Variants in CEMIP2 observed in about 807,000 individuals in gnomAD.
CEMIP2 encodes cell migration inducing hyaluronidase 2.
In CEMIP2, 79 loss-of-function variants were observed where a neutral mutation model predicts 146.9. The observed-to-expected ratio is 0.54, with a 90% CI of 0.45 to 0.65. CEMIP2 has a LOEUF of 0.65. Among genes scored for constraint, CEMIP2 ranks in the 30% least tolerant of loss-of-function variants. The pLI, the probability that CEMIP2 is intolerant of heterozygous loss-of-function variation, is 0.00. For missense variants in CEMIP2, 1,596 were observed against 1,696.2 expected (o/e 0.94, Z 1.04); for synonymous variants, 601 against 606.3 (o/e 0.99, Z 0.13).
intron 4 of CEMIP2, among the ~76,000 whole-genome samples, chr9:71,742,540 AG>A (rs1172449775): frequency 6.6e-6 from 1 of 152,226 alleles, no homozygotes; most frequent in African/African-American, 2.4e-5. Flanking sequence ...CGCTGGCAAA[AG>A]ATCACAACTC....
rs1309551546 is a variant in CEMIP2 at position 71,740,140 on chromosome 9, T to C, written c.1127A>G (p.Lys376Arg). 2 of 1,614,108 alleles carry C rather than the reference T, an allele frequency of 1.2e-6. No homozygotes were observed. Among genetic ancestry groups the C allele is most frequent in the Admixed American group, 3.3e-5 (2 of 60,018 alleles). Reference protein sequence around the residue: ...RNYENHSSGGKALAQREFYTV... With the variant: ...RNYENHSSGGRALAQREFYTV... ...ATAAAATTCTCTTTGGGCAAGAGCC[T>C]TCCCGCCACTGCTATGATTTTCATA... The change falls in exon 5 of 24, where the codon AAG becomes AGG. Residue 376 changes from lysine (K) to arginine (R), a missense_variant. By Grantham distance (26) the Lys-to-Arg change is conservative. Transcript: ENST00000377044.
intron 10 of CEMIP2, among the ~76,000 whole-genome samples, chr9:71,726,115 T>G (rs1164958711): frequency 6.6e-6 from 1 of 152,180 alleles, no homozygotes; most frequent in African/African-American, 2.4e-5. Context: ...GAGTCATGCC[T>G]ATTAAACAAC....
chr9:71,756,517 CACA>C (rs1260483300), intron 1 of CEMIP2, among the ~76,000 whole-genome samples: 1 of 151,074 alleles, frequency 6.6e-6, no homozygotes, highest in Admixed American at 6.6e-5. Flanking sequence ...CACACACACA[CACA>C]CACACACACA....
chr9:71,697,616 G>A (rs1589129314), intron 20 of CEMIP2, among the ~76,000 whole-genome samples: 1 of 152,220 alleles, frequency 6.6e-6, no homozygotes, highest in East Asian at 1.9e-4. Context: ...ATTTCACACT[G>A]TGCCAACAAA....
At chr9:71,708,668 G>A (rs1822822589) in intron 17 of CEMIP2, among the ~76,000 whole-genome samples, 2 of 152,130 alleles carry the variant, frequency 1.3e-5, no homozygotes, top group African/African-American at 4.8e-5. Context: ...AATGCTTAAT[G>A]TCTTCAAAGA....
At chr9:71,709,122 A>C in intron 17 of CEMIP2, 137 bp downstream of exon 17, 2 of 768,568 alleles carry the variant, frequency 2.6e-6, no homozygotes, top group Non-Finnish European at 4.2e-6. Flanking sequence ...AAGAAAAGAA[A>C]GGACAGGACA....
rs1189491728 is a variant in CEMIP2, at chr9:71,691,429, AATAAATAAAT to A, written c.3697-1193_3697-1184del. ...TGAGACTCTGTCTCAGGAAAAAAAA[AATAAATAAAT>A]AAAAAAGCCCTTTAGCTAATTGCAC... On this transcript the variant is annotated intron_variant, in intron 21 of 23. Transcript: ENST00000377044. Among the ~76,000 whole-genome samples, 188 of 151,402 alleles carry A rather than the reference AATAAATAAAT, an allele frequency of 1.2e-3. 12 individuals carry two copies. The highest frequency in any genetic ancestry group is 4.1e-3 in the African/African-American group (169 of 41,046).
chr9:71,710,758 T>C (rs1178256461), intron 16 of CEMIP2, among the ~76,000 whole-genome samples: 2 of 152,122 alleles, frequency 1.3e-5, no homozygotes, highest in Non-Finnish European at 2.9e-5. Flanking sequence ...GGACAGGGGA[T>C]CCAAGACTCA....
intron 6 of CEMIP2, among the ~76,000 whole-genome samples, chr9:71,733,757 C>T (rs1414193341): frequency 6.6e-6 from 1 of 152,128 alleles, no homozygotes; most frequent in East Asian, 1.9e-4. Context: ...TACAAAGGGG[C>T]TGTGCCTAGT....
intron 20 of CEMIP2, among the ~76,000 whole-genome samples, chr9:71,695,408 T>C (rs1306660427): frequency 1.3e-5 from 2 of 152,134 alleles, no homozygotes; most frequent in East Asian, 3.9e-4. Flanking sequence ...GGCATGGTAG[T>C]TCATGCCTGT....
intron 10 of CEMIP2, 83 bp downstream of exon 10, chr9:71,729,762 C>T (rs1823560094): frequency 2.9e-6 from 4 of 1,371,846 alleles, no homozygotes; most frequent in Non-Finnish European, 4.1e-6. Flanking sequence ...CACTGGCACA[C>T]ATGACATTAA....
intron 11 of CEMIP2, 76 bp downstream of exon 11, chr9:71,725,504 GA>G: frequency 6.9e-7 from 1 of 1,455,346 alleles, no homozygotes; most frequent in Non-Finnish European, 9.3e-7. Context: ...GCACAAAGTG[GA>G]CTAAAATATA....
chr9:71,701,705 G>A (rs1264516037), intron 18 of CEMIP2, among the ~76,000 whole-genome samples: 2 of 151,974 alleles, frequency 1.3e-5, no homozygotes, highest in Admixed American at 1.3e-4. Flanking sequence ...ATGGCCCTAG[G>A]ATTTTCTTAG....
At chr9:71,729,486 G>A (rs1383172017) in intron 10 of CEMIP2, among the ~76,000 whole-genome samples, 1 of 152,022 alleles carries the variant, frequency 6.6e-6, no homozygotes, top group Non-Finnish European at 1.5e-5. Flanking sequence ...GGGCGTGGTA[G>A]CAGGCGCCTG....
Position 71,745,426 on chromosome 9 carries a change from T to C in CEMIP2, c.626A>G (p.Asp209Gly). The C allele has an allele frequency of 1.2e-6, 2 of 1,614,136 alleles. No homozygotes were observed. The highest frequency in any genetic ancestry group is 1.7e-6 in the Non-Finnish European group (2 of 1,180,016). ...KATITLYGKS[D>G]EGESMPTFGK... ...AAATGTTGGCATACTTTCACCTTCA[T>C]CTGACTTGCCATACAAGGTAATTGT... The change falls in exon 4 of 24, where the codon GAT becomes GGT. Residue 209 changes from aspartate (D) to glycine (G), a missense_variant. By Grantham distance (94) the Asp-to-Gly change is moderately conservative. Coordinates refer to ENST00000377044, the MANE Select transcript of CEMIP2 (RefSeq NM_013390.3).
In CEMIP2 at chr9:71,714,997, C is replaced by T; in HGVS notation, c.2528G>A (p.Gly843Asp). 1 of 1,614,000 alleles carries T rather than the reference C, an allele frequency of 6.2e-7. No homozygotes were observed. Among genetic ancestry groups the T allele is most frequent in the Non-Finnish European group, 8.5e-7 (1 of 1,179,956 alleles). Residue 843 changes from glycine (G) to aspartate (D), a missense_variant, in exon 15 of 24, where the codon GGT (glycine) becomes GAT (aspartate). By Grantham distance (94) the Gly-to-Asp change is moderately conservative. Coordinates refer to ENST00000377044, the MANE Select transcript of CEMIP2 (RefSeq NM_013390.3). ...TCCAGTGCCTACATACTTGTTCTGA[C>T]CACCCTGAAAGCCGTAATTCCTGCT... ...GESRNYGFQG[G>D]QNKYVGTGGI... is the part of the protein sequence containing the mutation.
At chr9:71,768,147 A>G (rs1223201421) in intron 1 of CEMIP2, among the ~76,000 whole-genome samples, 1 of 152,168 alleles carries the variant, frequency 6.6e-6, no homozygotes, top group Non-Finnish European at 1.5e-5. Flanking sequence ...GTCAGTCCCA[A>G]TCCAGAGATG....
At chr9:71,754,146 A>G (rs1221801362) in intron 1 of CEMIP2, among the ~76,000 whole-genome samples, 1 of 152,204 alleles carries the variant, frequency 6.6e-6, no homozygotes, top group African/African-American at 2.4e-5. Context: ...AAACCAACAT[A>G]GCACACGTAT....
chr9:71,744,941 G>T, intron 4 of CEMIP2, 77 bp downstream of exon 4: 1 of 1,465,666 alleles, frequency 6.8e-7, no homozygotes, highest in Non-Finnish European at 9.2e-7. Context: ...CTGTGGCTGT[G>T]GCTCCTTTCC....
Sources: gnomAD v4.1 joint callset for allele counts (sites outside exome capture counted in the v4.1 genomes callset) on GRCh38, gnomAD v4.1.1 for gene constraint, MANE v1.5 for transcripts, NCBI Gene and HGNC (gene_info 2026-07-23, HGNC 2026-07-21) for gene names.